ACVR1: variants seen among roughly 807,000 people sequenced by gnomAD.
ACVR1 encodes activin receptor type-1.
In ACVR1, 38 loss-of-function variants were observed where a neutral mutation model predicts 57.1. The observed-to-expected ratio is 0.67, with a 90% CI of 0.51 to 0.87. The LOEUF (loss-of-function observed/expected upper bound fraction) is 0.87, where lower values mean the gene tolerates loss of function less well. ACVR1 is among the 40% of genes least tolerant of loss of function. The pLI, the probability that ACVR1 is intolerant of heterozygous loss-of-function variation, is 0.00. For synonymous variants in ACVR1, 212 were observed against 228.1 expected (o/e 0.93, Z 0.63); for missense variants, 463 against 638.2 (o/e 0.73, Z 2.96).
At chr2:157,829,467 G>A (rs941960620) in intron 1 of ACVR1, among the ~76,000 whole-genome samples, 2 of 152,116 alleles carry the variant, frequency 1.3e-5, no homozygotes, top group African/African-American at 2.4e-5. Flanking sequence ...ATTGAGTAAC[G>A]CTCACTAGTG....
At chr2:157,828,449 CAAAAA>C (rs369753645) in intron 1 of ACVR1, among the ~76,000 whole-genome samples, 11 of 84,270 alleles carry the variant, frequency 1.3e-4, no homozygotes, top group Non-Finnish European at 2.2e-4. Context: ...GACTCCGTCT[CAAAAA>C]AAAAAAAAAA....
intron 1 of ACVR1, among the ~76,000 whole-genome samples, chr2:157,865,859 G>GATAGAT (rs1689909307): frequency 6.6e-6 from 1 of 151,002 alleles, no homozygotes; most frequent in African/African-American, 2.4e-5. Flanking sequence ...TAGATAGATA[G>GATAGAT]ATAGATTGAC....
At chr2:157,819,950 C>T (rs945713711) in intron 1 of ACVR1, among the ~76,000 whole-genome samples, 7 of 152,054 alleles carry the variant, frequency 4.6e-5, no homozygotes, top group Non-Finnish European at 1.0e-4. Context: ...CCTCAAGGAA[C>T]ATTTTGCCAA....
intron 1 of ACVR1, among the ~76,000 whole-genome samples, chr2:157,835,100 G>T (rs189892612): frequency 7.2e-5 from 11 of 152,134 alleles, no homozygotes; most frequent in Non-Finnish European, 1.2e-4. Context: ...GACTAAAAAT[G>T]CAACTAAAAC....
chr2:157,757,717 T>C (rs1685488336), intron 9 of ACVR1, among the ~76,000 whole-genome samples: 2 of 151,978 alleles, frequency 1.3e-5, no homozygotes, highest in South Asian at 4.1e-4. Flanking sequence ...TGAGGGAATT[T>C]ATCATCACTA....
Position 157,765,353 on chromosome 2 carries a change from T to C in ACVR1, c.1066+568A>G, listed in dbSNP as rs1303876828. ...TAAGATAAACTAATTCTATAGAGTA[T>C]TTATTGTGCACCTACTTTATGTGAA... On this transcript the variant is annotated intron_variant, in intron 8 of 10. Transcript: ENST00000434821. Among the ~76,000 whole-genome samples, 5 of 152,304 alleles carry C rather than the reference T, an allele frequency of 3.3e-5. No homozygotes were observed. The East Asian group carries it at 7.7e-4, about 23-fold the overall frequency.
At chr2:157,809,981 C>T (rs1012094009) in intron 2 of ACVR1, among the ~76,000 whole-genome samples, 4 of 152,140 alleles carry the variant, frequency 2.6e-5, no homozygotes, top group East Asian at 1.9e-4. Context: ...GAGGCTGGGA[C>T]GACAAGATTA....
At chr2:157,848,451 T>C (rs531711232) in intron 1 of ACVR1, among the ~76,000 whole-genome samples, 2 of 152,294 alleles carry the variant, frequency 1.3e-5, no homozygotes, top group African/African-American at 2.4e-5. Context: ...CCGCCAGACA[T>C]GCGAGTGAAT....
intron 3 of ACVR1, among the ~76,000 whole-genome samples, chr2:157,794,609 T>C (rs1687035902): frequency 6.6e-6 from 1 of 152,188 alleles, no homozygotes; most frequent in Non-Finnish European, 1.5e-5. Context: ...GTTGGCTGTG[T>C]AACCTTAAGC....
At chr2:157,810,503 AT>A (rs1277824315) in intron 2 of ACVR1, among the ~76,000 whole-genome samples, 1 of 152,212 alleles carries the variant, frequency 6.6e-6, no homozygotes, top group East Asian at 1.9e-4. Flanking sequence ...CTCCCTTAAT[AT>A]GTAATTCAAA....
chr2:157,769,864 TA>T (rs1297856460), intron 7 of ACVR1, among the ~76,000 whole-genome samples: 1 of 152,246 alleles, frequency 6.6e-6, no homozygotes, highest in Non-Finnish European at 1.5e-5. Flanking sequence ...CAAATGTTGC[TA>T]AGCTTTAGTT....
chr2:157,860,602 A>G (rs1689685869), intron 1 of ACVR1, among the ~76,000 whole-genome samples: 1 of 152,188 alleles, frequency 6.6e-6, no homozygotes, highest in African/African-American at 2.4e-5. Context: ...GCATTTTTCA[A>G]ACTTATTTGA....
At chr2:157,865,985 T>A (rs1377779277) in intron 1 of ACVR1, among the ~76,000 whole-genome samples, 1 of 152,148 alleles carries the variant, frequency 6.6e-6, no homozygotes, top group East Asian at 1.9e-4. Flanking sequence ...GGTTTCACTG[T>A]ACACCCTTCC....
chr2:157,852,664 T>C (rs1689364911), intron 1 of ACVR1, among the ~76,000 whole-genome samples: 1 of 152,140 alleles, frequency 6.6e-6, no homozygotes, highest in African/African-American at 2.4e-5. Flanking sequence ...TATTCAAACA[T>C]ACACAAGATA....
chr2:157,853,144 G>A (rs1689382353), intron 1 of ACVR1, among the ~76,000 whole-genome samples: 1 of 152,134 alleles, frequency 6.6e-6, no homozygotes, highest in Admixed American at 6.5e-5. Flanking sequence ...TATCCTTCCT[G>A]TTCCTAGTTT....
chr2:157,747,052 G>A (rs1284649954), intron 9 of ACVR1, among the ~76,000 whole-genome samples: 2 of 151,976 alleles, frequency 1.3e-5, no homozygotes, highest in Admixed American at 6.6e-5. Context: ...GATCTATCTG[G>A]TCATCAATTT....
At chr2:157,743,332 TCACTTTCCTGTATACCTCAAC>T (rs1684848927) in intron 9 of ACVR1, among the ~76,000 whole-genome samples, 1 of 152,100 alleles carries the variant, frequency 6.6e-6, no homozygotes, top group Admixed American at 6.6e-5. Context: ...CCATACTCAG[TCACTTTCCTGTATACCTCAAC>T]CACAGTGACT....
chr2:157,751,378 G>A (rs1187700517), intron 9 of ACVR1, among the ~76,000 whole-genome samples: 1 of 152,240 alleles, frequency 6.6e-6, no homozygotes, highest in Non-Finnish European at 1.5e-5. Context: ...CGGAGGAACT[G>A]GGAAAAGACC....
At chr2:157,869,860 T>C (rs1162050155) in intron 1 of ACVR1, among the ~76,000 whole-genome samples, 1 of 152,230 alleles carries the variant, frequency 6.6e-6, no homozygotes, top group Non-Finnish European at 1.5e-5. Flanking sequence ...GGTGTCACTC[T>C]AGATAACCAC....
Sources: allele counts gnomAD v4.1 joint callset (sites outside exome capture counted in the v4.1 genomes callset), GRCh38; gene constraint gnomAD v4.1.1; transcripts MANE v1.5; gene names NCBI Gene and HGNC (gene_info 2026-07-23, HGNC 2026-07-21).